Variants in NF1 observed in about 807,000 individuals in gnomAD.
NF1 encodes neurofibromin.
In NF1, 122 loss-of-function variants were observed where a neutral mutation model predicts 325.7. The observed-to-expected ratio is 0.37, with a 90% CI of 0.32 to 0.44. The LOEUF (loss-of-function observed/expected upper bound fraction) is 0.44. Ranked by LOEUF, NF1 falls within the 20% of genes least tolerant of loss-of-function variation. The pLI is 1.00. For missense variants in NF1, 2,140 were observed against 3,415.4 expected, an observed-to-expected ratio of 0.63 and a Z score of 9.31; for synonymous variants, 1,091 against 1,186.0, an observed-to-expected ratio of 0.92 and a Z score of 1.65.
Position 31,325,922 on chromosome 17 carries a change from C to A in NF1, c.4938C>A (p.Thr1646=). Residue 1646 remains threonine (T), a synonymous_variant, in exon 37 of 58, where the codon ACC becomes ACA. Coordinates refer to ENST00000358273, the MANE Select transcript of NF1 (RefSeq NM_001042492.3). ...CATATGAAATTGTAGTGGACCTTAC[C>A]CATACCGGGCCTAGCAATCGCTTTA... ...AKPYEIVVDL[T]HTGPSNRFKT... 1 of 1,614,120 alleles carries A rather than the reference C, an allele frequency of 6.2e-7. No individual in the cohort carries two copies. Among genetic ancestry groups the A allele is most frequent in the Non-Finnish European group, 8.5e-7 (1 of 1,180,002 alleles).
At chr17:31,330,556 A>C in intron 39 of NF1, 58 bp downstream of exon 39, 1 of 1,314,892 alleles carries the variant, frequency 7.6e-7, no homozygotes. Flanking sequence ...TTCAAAGAAA[A>C]CCCTTTCATT....
In NF1 at chr17:31,236,121, A is replaced by C; in HGVS notation, c.3974+100A>C. ...TGAAGCAAGGCACCTTCTCCCCTTG[A>C]TCATTAAAATTAGTTTTTAATTATA... On this transcript the variant is annotated intron_variant, in intron 29 of 57. Coordinates refer to ENST00000358273, the MANE Select transcript of NF1 (RefSeq NM_001042492.3). The C allele has an allele frequency of 6.2e-6, 5 of 808,612 alleles. No homozygotes were observed. The South Asian group carries it at 7.7e-5, about 12-fold the overall frequency. The allele number at this position is 808,612 out of a possible 1,614,324, so 50.1% of individuals were successfully genotyped here. A position where few individuals can be genotyped will look rare whatever the true frequency, so the allele number is the denominator to read the frequency against.
At chr17:31,289,351 T>C (rs1458908890) in intron 36 of NF1, among the ~76,000 whole-genome samples, 2 of 152,222 alleles carry the variant, frequency 1.3e-5, no homozygotes, top group African/African-American at 2.4e-5. Context: ...TTATGAGATA[T>C]GAGAAATTAT....
intron 36 of NF1, chr17:31,296,246 T>C (rs1340490284): frequency 6.2e-7 from 1 of 1,613,974 alleles, no homozygotes; most frequent in Non-Finnish European, 8.5e-7. Context: ...GCATATACAT[T>C]GGAGAGGACA....
intron 36 of NF1, among the ~76,000 whole-genome samples, chr17:31,324,716 C>T (rs964981536): frequency 6.6e-6 from 1 of 152,116 alleles, no homozygotes; most frequent in Admixed American, 6.6e-5. Context: ...CATGTACCAC[C>T]ATGCCTGGCT....
intron 1 of NF1, among the ~76,000 whole-genome samples, chr17:31,099,601 C>G (rs1912115931): frequency 6.8e-6 from 1 of 147,050 alleles, no homozygotes; most frequent in Non-Finnish European, 1.5e-5. Flanking sequence ...CTCTTGTCTC[C>G]TAGGCTGGAG....
chr17:31,218,236 G>A (rs1178764418), intron 13 of NF1, among the ~76,000 whole-genome samples: 2 of 152,074 alleles, frequency 1.3e-5, no homozygotes, highest in Non-Finnish European at 2.9e-5. Context: ...ACGTTCTTTA[G>A]CCAGTTTACT....
chr17:31,258,876 C>T (rs2067632053), intron 32 of NF1, among the ~76,000 whole-genome samples, 156 bp from the exon 33 acceptor site: 1 of 151,980 alleles, frequency 6.6e-6, no homozygotes. Flanking sequence ...GTTAGAAACA[C>T]TACCTAAAAT....
chr17:31,144,123 T>C (rs1821188409), intron 1 of NF1, among the ~76,000 whole-genome samples: 1 of 152,152 alleles, frequency 6.6e-6, no homozygotes, highest in Admixed American at 6.5e-5. Context: ...GCGCCTGGCC[T>C]TGTTCTTGTT....
chr17:31,219,286 G>T (rs2066881452), intron 14 of NF1, 168 bp downstream of exon 14: 2 of 618,588 alleles, frequency 3.2e-6, no homozygotes, highest in African/African-American at 1.8e-5. Context: ...GAAAGAAGGG[G>T]TTTACTTGCT....
At chr17:31,363,476 C>CA (rs2070444161) in intron 57 of NF1, among the ~76,000 whole-genome samples, 2 of 137,942 alleles carry the variant, frequency 1.4e-5, no homozygotes, top group Non-Finnish European at 3.0e-5. Flanking sequence ...CTCGCTCTGT[C>CA]GCCGAGGCTG....
At position 31,095,252 on chromosome 17, in the gene NF1, CCCGGCCCAGGGCG is replaced by C. The variant is rs1195553099; in HGVS notation, c.-49_-37del. ...CTCAGCCTCCGCTCCCCGCCCTCTT[CCCGGCCCAGGGCG>C]CCGGCCCACCCTTCCCTCCGCCGCC... On this transcript the variant is annotated 5_prime_UTR_variant, in exon 1 of 58. Coordinates refer to ENST00000358273, the MANE Select transcript of NF1 (RefSeq NM_001042492.3). 1 of 1,500,864 alleles carries C rather than the reference CCCGGCCCAGGGCG, an allele frequency of 6.7e-7. No homozygotes were observed. Among genetic ancestry groups the C allele is most frequent in the African/African-American group, 1.4e-5 (1 of 72,354 alleles). 93.0% of individuals were successfully genotyped at this position (1,500,864 alleles called of 1,614,324 possible).
At chr17:31,292,433 T>C (rs931783103) in intron 36 of NF1, among the ~76,000 whole-genome samples, 5 of 152,206 alleles carry the variant, frequency 3.3e-5, no homozygotes, top group Non-Finnish European at 5.9e-5. Flanking sequence ...TTTCCCTCAG[T>C]ATATCTGGGG....
At chr17:31,304,851 A>T in intron 36 of NF1, 1 of 1,614,116 alleles carries the variant, frequency 6.2e-7, no homozygotes, top group Non-Finnish European at 8.5e-7. Flanking sequence ...TGTTATCCAT[A>T]CAAATGTCAG....
intron 11 of NF1, among the ~76,000 whole-genome samples, chr17:31,202,947 G>A (rs1318324061): frequency 1.3e-5 from 2 of 152,162 alleles, no homozygotes; most frequent in Admixed American, 6.5e-5. Flanking sequence ...GCTTTTTTCC[G>A]CTGTGGCTCA....
At chr17:31,364,702 A>G (rs1336357478) in intron 57 of NF1, among the ~76,000 whole-genome samples, 1 of 152,240 alleles carries the variant, frequency 6.6e-6, no homozygotes, top group African/African-American at 2.4e-5. Context: ...AAGTCTACAT[A>G]TAAAAGTACC....
intron 36 of NF1, chr17:31,314,258 A>G (rs994885568): frequency 6.7e-5 from 23 of 342,756 alleles, no homozygotes; most frequent in African/African-American, 4.2e-4. Flanking sequence ...ATGTAAATAA[A>G]TATTTGAGAT....
intron 51 of NF1, among the ~76,000 whole-genome samples, chr17:31,352,969 C>T (rs1028949046): frequency 1.3e-5 from 2 of 151,992 alleles, no homozygotes; most frequent in South Asian, 2.1e-4. Flanking sequence ...AGTGCAGTGG[C>T]GCAATCTCAG....
chr17:31,150,965 G>A lies in NF1; in HGVS notation c.61-5018G>A, dbSNP rs116115480. Among the ~76,000 whole-genome samples, 1,431 of 151,936 alleles carry A rather than the reference G, an allele frequency of 9.4e-3. 23 individuals carry two copies. The highest frequency in any genetic ancestry group is 0.033 in the African/African-American group (1,347 of 41,394). The stretch of plus-strand genomic sequence containing the variant: ...CAGGGGAATCGCTTCAACCTTGGAA[G>A]CAGAGGTTATGGTGAGCTGAGATTA... On this transcript the variant is annotated intron_variant, in intron 1 of 57. Coordinates refer to ENST00000358273, the MANE Select transcript of NF1 (RefSeq NM_001042492.3).
Sources: gnomAD v4.1 joint callset for allele counts (sites outside exome capture counted in the v4.1 genomes callset) on GRCh38, gnomAD v4.1.1 for gene constraint, MANE v1.5 for transcripts, NCBI Gene and HGNC (gene_info 2026-07-23, HGNC 2026-07-21) for gene names.